Variants in SECISBP2 observed in about 807,000 individuals in gnomAD.
SECISBP2 encodes the protein SECIS binding protein 2, also known as selenocysteine insertion sequence-binding protein 2.
In SECISBP2, 96 loss-of-function variants were observed where a neutral mutation model predicts 98.2. That is an observed-to-expected ratio of 0.98 (90% CI 0.83 to 1.16). SECISBP2 has a LOEUF of 1.16. SECISBP2 is among the 50% of genes most tolerant of loss of function. The pLI, the probability that SECISBP2 is intolerant of heterozygous loss-of-function variation, is 0.00. For synonymous variants in SECISBP2, 407 were observed against 370.2 expected, an observed-to-expected ratio of 1.10 and a Z score of -1.14; for missense variants, 1,046 against 1,022.9, an observed-to-expected ratio of 1.02 and a Z score of -0.31.
At chr9:89,338,712 G>A in intron 8 of SECISBP2, 132 bp downstream of exon 8, 32 of 921,598 alleles carry the variant, frequency 3.5e-5, no homozygotes, top group South Asian at 1.6e-5. Flanking sequence ...TAGTGCTAAA[G>A]AAAACAGTAG....
intron 7 of SECISBP2, among the ~76,000 whole-genome samples, chr9:89,336,208 G>A (rs1828687505): frequency 7.3e-6 from 1 of 136,280 alleles, no homozygotes; most frequent in Non-Finnish European, 1.5e-5. Flanking sequence ...ACTAGTATTT[G>A]TATTTTTTAT....
chr9:89,319,244 G>A (rs1354181388), intron 1 of SECISBP2, among the ~76,000 whole-genome samples: 2 of 152,198 alleles, frequency 1.3e-5, no homozygotes, highest in East Asian at 1.9e-4. Context: ...TCAAGAAAAT[G>A]TAATGGAAAT....
At chr9:89,335,109 G>A (rs753789181) in intron 7 of SECISBP2, among the ~76,000 whole-genome samples, 62 of 151,664 alleles carry the variant, frequency 4.1e-4, no homozygotes, top group Non-Finnish European at 7.5e-4. Context: ...CCAGCTACTC[G>A]GGAGGCTGAG....
chr9:89,330,292 A>C (rs1827530679), intron 5 of SECISBP2: 2 of 152,196 alleles, frequency 1.3e-5, no homozygotes, highest in Admixed American at 6.5e-5. Context: ...TAGTCCACCA[A>C]GTTGAGGCAT....
downstream of SECISBP2, chr9:89,362,251 C>A: frequency 7.5e-7 from 1 of 1,335,308 alleles, no homozygotes; most frequent in Non-Finnish European, 1.1e-6. Context: ...CTCTGCCCAT[C>A]AGGTGGTGGC....
At chr9:89,362,080 C>G, downstream of SECISBP2, 1 of 527,578 alleles carries the variant, frequency 1.9e-6, no homozygotes, top group Admixed American at 3.1e-5. Context: ...CCTGCACACA[C>G]CCTGCTGTTT....
At chr9:89,336,316 G>A (rs943673850) in intron 7 of SECISBP2, among the ~76,000 whole-genome samples, 5 of 151,598 alleles carry the variant, frequency 3.3e-5, no homozygotes, top group African/African-American at 7.3e-5. Flanking sequence ...GATTACAGGC[G>A]TGAGCCACCA....
chr9:89,337,816 G>A (rs994301920), intron 7 of SECISBP2, among the ~76,000 whole-genome samples: 1 of 152,246 alleles, frequency 6.6e-6, no homozygotes, highest in Admixed American at 6.5e-5. Context: ...ATGTCAGAGA[G>A]TGATCAGTGC....
At chr9:89,330,459 A>C (rs1004313236) in intron 5 of SECISBP2, 7 of 152,194 alleles carry the variant, frequency 4.6e-5, no homozygotes, top group African/African-American at 1.7e-4. Flanking sequence ...AACAGGCCTC[A>C]CCCATTCGCT....
intron 10 of SECISBP2, among the ~76,000 whole-genome samples, chr9:89,345,836 T>A (rs554655680): frequency 1.3e-5 from 2 of 152,292 alleles, no homozygotes; most frequent in East Asian, 3.9e-4. Context: ...AGTCACATAG[T>A]CACATGTATG....
chr9:89,341,990 A>G (rs961833892), intron 10 of SECISBP2, among the ~76,000 whole-genome samples: 1 of 152,252 alleles, frequency 6.6e-6, no homozygotes, highest in African/African-American at 2.4e-5. Context: ...GAAGGACATT[A>G]TCAAGAAAGC....
intron 13 of SECISBP2, among the ~76,000 whole-genome samples, chr9:89,350,361 A>G (rs761486228): frequency 3.9e-4 from 59 of 152,296 alleles, no homozygotes; most frequent in Non-Finnish European, 6.3e-4. Flanking sequence ...TGCACGGGGT[A>G]GTGGCTGAGA....
chr9:89,324,084 T>C (rs1235595884), intron 2 of SECISBP2: 1 of 152,274 alleles, frequency 6.6e-6, no homozygotes. Context: ...CATTTTTTTT[T>C]CTGTCAACTC....
chr9:89,350,822 T>G lies in SECISBP2; in HGVS notation c.2083T>G (p.Ser695Ala). The G allele has an allele frequency of 6.2e-7, 1 of 1,614,216 alleles. No individual in the cohort carries two copies. Among genetic ancestry groups the G allele is most frequent in the Non-Finnish European group, 8.5e-7 (1 of 1,180,036 alleles). Residue 695 changes from serine (S) to alanine (A), a missense_variant, in exon 14 of 17, where the codon TCT becomes GCT. Physicochemically the swap from Ser to Ala is moderately conservative, Grantham distance 99 (BLOSUM62 1). Transcript: ENST00000375807. ...KLKKLKCVIISPNCEKIQSKG... is the reference protein window; with the variant it reads ...KLKKLKCVIIAPNCEKIQSKG... ...CAAAAAACTGAAATGTGTCATTATT[T>G]CTCCCAACTGTGAGAAGATACAGTC...
intron 4 of SECISBP2, among the ~76,000 whole-genome samples, chr9:89,327,345 A>G (rs1317983661): frequency 6.6e-6 from 1 of 152,196 alleles, no homozygotes; most frequent in Non-Finnish European, 1.5e-5. Context: ...AGGCTACATG[A>G]AATTTATAAA....
chr9:89,332,800 A>G lies in SECISBP2; in HGVS notation c.802-108A>G, dbSNP rs1169330319. Reference sequence around the variant, plus strand: ...GTAACGTTTTTCATTCTTACCAGCAATGGATAAGGATTTCTGTTGTCAAAG... The same window carrying G: ...GTAACGTTTTTCATTCTTACCAGCAGTGGATAAGGATTTCTGTTGTCAAAG... On this transcript the variant is annotated intron_variant, in intron 5 of 16. Transcript: ENST00000375807. 9 of 871,790 alleles carry G rather than the reference A, an allele frequency of 1.0e-5. No homozygotes were observed. The South Asian group carries it at 1.1e-4, about 11-fold the overall frequency. The allele number at this position is 871,790 out of a possible 1,614,324, so 54.0% of individuals were successfully genotyped here.
chr9:89,363,258 C>T (rs77928964), downstream of SECISBP2, among the ~76,000 whole-genome samples: 1,224 of 145,186 alleles, frequency 8.4e-3, 17 homozygotes, highest in African/African-American at 0.028. Flanking sequence ...AGCAACAAGA[C>T]GTGGGATTTC....
chr9:89,359,282 G>A lies in SECISBP2; in HGVS notation c.*458G>A, dbSNP rs1832563470. 9.5e-6 allele frequency: 2 copies of A among 209,772 alleles called. No homozygotes were observed. The highest frequency in any genetic ancestry group is 5.3e-5 in the Admixed American group (1 of 18,846). 13.0% of individuals were successfully genotyped at this position (209,772 alleles called of 1,614,324 possible). On this transcript the variant is annotated 3_prime_UTR_variant, in exon 17 of 17. Transcript: ENST00000375807. Reference sequence around the variant, plus strand: ...CTGCAGGGAGCCACTTGGCAGAAGGGTGCAGGGCTGCTGGTGTCAGAGCAA... The same window carrying A: ...CTGCAGGGAGCCACTTGGCAGAAGGATGCAGGGCTGCTGGTGTCAGAGCAA...
Position 89,350,692 on chromosome 9 carries a change from A to G in SECISBP2, c.1953A>G (p.Glu651=). 6.2e-7 allele frequency: 1 copy of G among 1,614,168 alleles called. No individual in the cohort carries two copies. The highest frequency in any genetic ancestry group is 8.5e-7 in the Non-Finnish European group (1 of 1,180,026). The part of the protein sequence containing the change: ...VDACVTDLLK[E]LVRFQDRMYQ... ...CTTGTGTTACCGACCTACTCAAAGA[A>G]CTGGTCCGTTTCCAAGACCGTATGT... Residue 651 remains glutamate, a synonymous_variant, in exon 14 of 17, where the codon GAA becomes GAG. Coordinates refer to ENST00000375807, the MANE Select transcript of SECISBP2 (RefSeq NM_024077.5).
Sources: gnomAD v4.1 joint callset for allele counts (sites outside exome capture counted in the v4.1 genomes callset) on GRCh38, gnomAD v4.1.1 for gene constraint, MANE v1.5 for transcripts, NCBI Gene and HGNC (gene_info 2026-07-23, HGNC 2026-07-21) for gene names.